Variants in RSAD2 observed in about 807,000 individuals in gnomAD.
The protein encoded by RSAD2 is S-adenosylmethionine-dependent nucleotide dehydratase RSAD2.
RSAD2 carries 38 observed loss-of-function variants against 37.7 expected under a neutral mutation model. The observed-to-expected ratio is 1.01, with a 90% CI of 0.78 to 1.32. The LOEUF is 1.32. Ranked by LOEUF, RSAD2 falls within the 40% of genes most tolerant of loss-of-function variation. RSAD2 has a pLI of 0.00. For missense variants in RSAD2, 428 were observed against 437.5 expected (o/e 0.98, Z 0.19); for synonymous variants, 163 against 157.4 (o/e 1.04, Z -0.27).
At chr2:6,875,423 C>CAGA (rs1663265179), upstream of RSAD2, among the ~76,000 whole-genome samples, 1 of 152,218 alleles carries the variant, frequency 6.6e-6, no homozygotes, top group East Asian at 1.9e-4. Flanking sequence ...TGGGGCTACT[C>CAGA]TGTCCATCCT....
In RSAD2 at chr2:6,878,090, C is replaced by G. The variant is rs201102466; in HGVS notation, c.290C>G (p.Ser97Cys). The change falls in exon 1 of 6, where the codon TCC (serine) becomes TGC (cysteine). Residue 97 changes from serine to cysteine, a missense_variant. Ser to Cys is a moderately radical substitution (Grantham distance 112). Transcript: ENST00000382040. ...CGFCFHTAKT[S>C]FVLPLEEAKR... ...TTCTGTTTCCACACAGCCAAAACAT[C>G]CTTTGTGCTGCCCCTTGAGGAAGCA... 2 of 1,614,044 alleles carry G rather than the reference C, an allele frequency of 1.2e-6. No homozygotes were observed. Among genetic ancestry groups the G allele is most frequent in the African/African-American group, 1.3e-5 (1 of 74,916 alleles).
At chr2:6,873,232 A>G (rs183052783), upstream of RSAD2, among the ~76,000 whole-genome samples, 1 of 152,242 alleles carries the variant, frequency 6.6e-6, no homozygotes, top group Admixed American at 6.5e-5. Flanking sequence ...GCTTTTCTTG[A>G]TGTGTCTGAA....
intron 1 of RSAD2, among the ~76,000 whole-genome samples, chr2:6,879,979 T>C (rs1319552902): frequency 6.6e-6 from 1 of 152,198 alleles, no homozygotes; most frequent in Non-Finnish European, 1.5e-5. Flanking sequence ...TAATGATAAC[T>C]GATAAACCAA....
chr2:6,890,145 C>T (rs1416101185), intron 3 of RSAD2, 31 bp from the exon 4 acceptor site: 1 of 1,609,898 alleles, frequency 6.2e-7, no homozygotes, highest in Non-Finnish European at 8.5e-7. Context: ...GGAAAGCTCT[C>T]TGCAAAGCAA....
At chr2:6,887,219 A>G in intron 3 of RSAD2, 55 bp downstream of exon 3, 1 of 1,355,674 alleles carries the variant, frequency 7.4e-7, no homozygotes. Context: ...TTCAGGAATG[A>G]CTTTTTTCAA....
chr2:6,869,756 C>T (rs139528961), intron 1 of RSAD2, among the ~76,000 whole-genome samples: 267 of 152,302 alleles, frequency 1.8e-3, no homozygotes, highest in African/African-American at 6.2e-3. Context: ...AGGAACAGCA[C>T]GCCTACAAAT....
chr2:6,874,563 A>G (rs1447192006), upstream of RSAD2, among the ~76,000 whole-genome samples: 1 of 152,212 alleles, frequency 6.6e-6, no homozygotes, highest in Non-Finnish European at 1.5e-5. Flanking sequence ...ATTCTTCTCT[A>G]GAAGCATTTG....
chr2:6,878,476 A>G (rs1263410846), intron 1 of RSAD2, among the ~76,000 whole-genome samples: 1 of 152,206 alleles, frequency 6.6e-6, no homozygotes, highest in Non-Finnish European at 1.5e-5. Flanking sequence ...CGGTTTGGGA[A>G]GTTTGTACTA....
chr2:6,879,347 CCTT>C (rs1240970541), intron 1 of RSAD2, among the ~76,000 whole-genome samples: 1 of 152,108 alleles, frequency 6.6e-6, no homozygotes, highest in African/African-American at 2.4e-5. Context: ...TCCTAACTCT[CCTT>C]CTTATGAGCA....
At chr2:6,865,949 C>T (rs868805759) in exon 1 of RSAD2, 3 of 1,296,350 alleles carry the variant, frequency 2.3e-6, no homozygotes, top group Non-Finnish European at 3.0e-6. Context: ...CGCTTGGCCC[C>T]GGGGCCCCAG....
chr2:6,881,136 G>T (rs1333646550), intron 1 of RSAD2, among the ~76,000 whole-genome samples: 1 of 152,064 alleles, frequency 6.6e-6, no homozygotes, highest in Non-Finnish European at 1.5e-5. Flanking sequence ...CACTGGCCAG[G>T]ACCCTGTCTT....
intron 3 of RSAD2, among the ~76,000 whole-genome samples, chr2:6,887,940 A>G (rs1241885908): frequency 6.6e-6 from 1 of 152,246 alleles, no homozygotes; most frequent in Non-Finnish European, 1.5e-5. Context: ...GAGATGTGGG[A>G]AAAGTCACAT....
At chr2:6,885,449 A>G (rs73914418) in intron 2 of RSAD2, among the ~76,000 whole-genome samples, 2,741 of 152,296 alleles carry the variant, frequency 0.018, 80 homozygotes, top group African/African-American at 0.063. Context: ...TTGATTCAAC[A>G]TGCCCCATTG....
rs529466920 is a variant in RSAD2 at position 6,890,131 on chromosome 2, C to A, written c.739-45C>A. 7 of 1,595,236 alleles carry A rather than the reference C, an allele frequency of 4.4e-6. No individual in the cohort carries two copies. The Admixed American group carries it at 1.0e-4, about 23-fold the overall frequency. ...GGGGAGTGAGGTTTGGGGGAAAACA[C>A]GATGGAAAGCTCTCTGCAAAGCAAA... On this transcript the variant is annotated intron_variant, in intron 3 of 5. Transcript: ENST00000382040.
In RSAD2 at chr2:6,890,223, T is replaced by C. The variant is rs1663602516; in HGVS notation, c.786T>C (p.Ala262=). 6.2e-7 allele frequency: 1 copy of C among 1,614,132 alleles called. No homozygotes were observed. The highest frequency in any genetic ancestry group is 2.2e-5 in the East Asian group (1 of 44,884). ...AGGGTGAGAATTGTGGAGAAGATGC[T>C]CTAAGAGAAGCAGAAAGATTTGTTA... ...LIEGENCGED[A]LREAERFVIG... The change falls in exon 4 of 6, where the codon GCT becomes GCC. Residue 262 remains alanine (A), a synonymous_variant. Coordinates refer to ENST00000382040, the MANE Select transcript of RSAD2 (RefSeq NM_080657.5).
In RSAD2 at chr2:6,897,347, C is replaced by G. The variant is rs967645978; in HGVS notation, c.*1405C>G. 3.3e-5 allele frequency: 5 copies of G among 152,180 alleles called. No homozygotes were observed. The highest frequency in any genetic ancestry group is 1.2e-4 in the African/African-American group (5 of 41,434). The allele number at this position is 152,180 out of a possible 1,614,324, so 9.4% of individuals were successfully genotyped here. On this transcript the variant is annotated 3_prime_UTR_variant, in exon 6 of 6. Coordinates refer to ENST00000382040, the MANE Select transcript of RSAD2 (RefSeq NM_080657.5). ...TTAGCTGCAATTTCAGTGTTCCTCA[C>G]TAGGTGGCATTTAAATGTCGCCTGA...
intron 4 of RSAD2, among the ~76,000 whole-genome samples, chr2:6,891,638 G>A (rs1663633043): frequency 6.6e-6 from 1 of 152,100 alleles, no homozygotes; most frequent in Non-Finnish European, 1.5e-5. Context: ...GTGGTTGCGG[G>A]CGCCTGTAGT....
intron 1 of RSAD2, among the ~76,000 whole-genome samples, chr2:6,872,030 A>G (rs560172263): frequency 1.1e-3 from 172 of 152,346 alleles, no homozygotes; most frequent in African/African-American, 3.8e-3. Flanking sequence ...TTTTCCAGGC[A>G]TAATTATTAA....
chr2:6,865,982 G>T, exon 1 of RSAD2: 1 of 898,238 alleles, frequency 1.1e-6, no homozygotes. Context: ...GCGGGCCTGC[G>T]CGGTCCCCAG....
Sources: allele counts gnomAD v4.1 joint callset (sites outside exome capture counted in the v4.1 genomes callset), GRCh38; gene constraint gnomAD v4.1.1; transcripts MANE v1.5; gene names NCBI Gene and HGNC (gene_info 2026-07-23, HGNC 2026-07-21).